Variants in LSG1 observed in about 807,000 individuals in gnomAD.
LSG1 encodes the protein large 60S subunit nuclear export GTPase 1, also known as large subunit GTPase 1 homolog.
Under a neutral mutation model 82.6 loss-of-function variants are expected in LSG1, and 55 were observed. The observed-to-expected ratio is 0.67, with a 90% CI of 0.54 to 0.83. LSG1 has a LOEUF of 0.83. Among genes scored for constraint, LSG1 ranks in the 40% least tolerant of loss-of-function variants. The pLI, the probability that LSG1 is intolerant of heterozygous loss-of-function variation, is 0.00. For synonymous variants in LSG1, 272 were observed against 282.5 expected (o/e 0.96, Z 0.37); for missense variants, 809 against 807.9 (o/e 1.00, Z -0.02).
intron 10 of LSG1, among the ~76,000 whole-genome samples, chr3:194,649,209 C>T (rs1009222031): frequency 1.3e-5 from 2 of 152,090 alleles, no homozygotes; most frequent in Non-Finnish European, 2.9e-5. Context: ...TCCAAATTTT[C>T]CTTAAGCCAC....
chr3:194,659,575 TTTG>T (rs1485101381), intron 6 of LSG1, among the ~76,000 whole-genome samples: 1 of 152,260 alleles, frequency 6.6e-6, no homozygotes, highest in Non-Finnish European at 1.5e-5. Flanking sequence ...TATACAATGT[TTTG>T]TTAACTAACC....
At chr3:194,668,228 C>A (rs1719073262) in intron 2 of LSG1, among the ~76,000 whole-genome samples, 1 of 152,048 alleles carries the variant, frequency 6.6e-6, no homozygotes, top group Admixed American at 6.5e-5. Context: ...ACGAATAATG[C>A]TGCTATGAAT....
chr3:194,647,203 G>A (rs372450679), intron 11 of LSG1, among the ~76,000 whole-genome samples: 184 of 152,266 alleles, frequency 1.2e-3, no homozygotes, highest in African/African-American at 4.4e-3. Flanking sequence ...CTTTTTGGGA[G>A]GGAGAAGACC....
chr3:194,647,281 T>C (rs1174733992), intron 11 of LSG1, among the ~76,000 whole-genome samples: 4 of 152,222 alleles, frequency 2.6e-5, no homozygotes, highest in African/African-American at 7.2e-5. Context: ...AATTGTCAAC[T>C]TCTTTGGGGC....
chr3:194,653,683 T>A (rs1675952), intron 7 of LSG1, among the ~76,000 whole-genome samples: 68,911 of 152,052 alleles, frequency 0.45, 16,336 homozygotes, highest in Non-Finnish European at 0.53. Context: ...ACTTTTTACT[T>A]TATATGTTTC....
chr3:194,655,058 A>G (rs1470063937), intron 7 of LSG1, among the ~76,000 whole-genome samples: 2 of 152,240 alleles, frequency 1.3e-5, no homozygotes, highest in East Asian at 3.8e-4. Context: ...TACAAGTAAG[A>G]CTTCACAACC....
chr3:194,667,923 C>CAAAA (rs1170566137), intron 2 of LSG1, among the ~76,000 whole-genome samples: 6 of 12,810 alleles, frequency 4.7e-4, no homozygotes, highest in African/African-American at 7.9e-4. Context: ...GACTCCGTCT[C>CAAAA]AAAAAAAAAA....
chr3:194,641,760 CGCG>C lies in LSG1; in HGVS notation c.*305_*307del, dbSNP rs1426403820. On this transcript the variant is annotated 3_prime_UTR_variant, in exon 14 of 14. Transcript: ENST00000265245. ...TCCCGAGTAGCTGGGATTACAGGTG[CGCG>C]CCACCACGCCTGGCTAATTTTTTTG... 1.0e-5 allele frequency: 2 copies of C among 194,798 alleles called. No individual in the cohort carries two copies. The highest frequency in any genetic ancestry group is 2.1e-5 in the Non-Finnish European group (2 of 95,846). The allele number at this position is 194,798 out of a possible 1,614,324, so 12.1% of individuals were successfully genotyped here.
intron 2 of LSG1, among the ~76,000 whole-genome samples, chr3:194,668,781 C>T: frequency 6.6e-6 from 1 of 152,122 alleles, no homozygotes; most frequent in Non-Finnish European, 1.5e-5. Context: ...TTCACAAGAG[C>T]CAAGATATGG....
At chr3:194,644,941 C>T (rs1718488653) in intron 12 of LSG1, 195 bp from the exon 13 acceptor site, 1 of 413,394 alleles carries the variant, frequency 2.4e-6, no homozygotes, top group Admixed American at 4.3e-5. Flanking sequence ...AGAGACCTAG[C>T]TCTTCCCATG....
Position 194,652,758 on chromosome 3 carries a change from C to T in LSG1, c.1144G>A (p.Val382Met). The change falls in exon 8 of 14, where the codon GTG (valine) becomes ATG (methionine). Residue 382 changes from valine to methionine, a missense_variant. Val to Met is a conservative substitution (Grantham distance 21). Coordinates refer to ENST00000265245, the MANE Select transcript of LSG1 (RefSeq NM_018385.3). The stretch of plus-strand genomic sequence containing the variant: ...CCGACCGTAAGTTGCCCATCTTTCA[C>T]CTTTCTCCCAGTGTGTAGCTCCTTA... ...LFKELHTGRKVKDGQLTVGLV... is the reference protein window; with the variant it reads ...LFKELHTGRKMKDGQLTVGLV... 6.2e-7 allele frequency: 1 copy of T among 1,613,784 alleles called. No homozygotes were observed. Among genetic ancestry groups the T allele is most frequent in the Non-Finnish European group, 8.5e-7 (1 of 1,179,768 alleles).
rs1718393471 is a variant in LSG1 at position 194,641,796 on chromosome 3, A to C, written c.*272T>G. The stretch of plus-strand genomic sequence containing the variant: ...GCCTGGCTAATTTTTTTGTATTTTT[A>C]GTAGAGACGGGGTTTCTCCATGTTG... On this transcript the variant is annotated 3_prime_UTR_variant, in exon 14 of 14. Coordinates refer to ENST00000265245, the MANE Select transcript of LSG1 (RefSeq NM_018385.3). 1 of 280,012 alleles carries C rather than the reference A, an allele frequency of 3.6e-6. No individual in the cohort carries two copies. Among genetic ancestry groups the C allele is most frequent in the Non-Finnish European group, 6.6e-6 (1 of 151,342 alleles). The allele number at this position is 280,012 out of a possible 1,614,324, so 17.3% of individuals were successfully genotyped here.
intron 13 of LSG1, 101 bp downstream of exon 13, chr3:194,644,472 T>A (rs1201611251): frequency 1.6e-6 from 1 of 635,748 alleles, no homozygotes; most frequent in African/African-American, 1.9e-5. Flanking sequence ...TATTAAACCC[T>A]TTTTGGGGTT....
chr3:194,653,063 T>G lies in LSG1; in HGVS notation c.839A>C (p.His280Pro), dbSNP rs1396373945. The change falls in exon 8 of 14, where the codon CAC (histidine) becomes CCC (proline). Residue 280 changes from histidine to proline, a missense_variant. Coordinates refer to ENST00000265245, the MANE Select transcript of LSG1 (RefSeq NM_018385.3). ...HSSFDQAEIS[H>P]SESEHLPARD... ...AGCTGGGAGATGTTCGGATTCACTG[T>G]GGGAAATTTCAGCCTGGTCGAAACT... 6.2e-7 allele frequency: 1 copy of G among 1,614,214 alleles called. No homozygotes were observed. The highest frequency in any genetic ancestry group is 1.7e-5 in the Admixed American group (1 of 60,020).
chr3:194,648,836 G>A lies in LSG1; in HGVS notation c.1420-32C>T, dbSNP rs377282586. 5.5e-5 allele frequency: 89 copies of A among 1,612,046 alleles called. No homozygotes were observed. The South Asian group carries it at 6.7e-4, about 12-fold the overall frequency. Reference sequence around the variant, plus strand: ...TGTCAGGGAATCCATTCTCTTGAACGGACTCCCTCCTCCCCATGGCATACA... The same window carrying A: ...TGTCAGGGAATCCATTCTCTTGAACAGACTCCCTCCTCCCCATGGCATACA... On this transcript the variant is annotated intron_variant, in intron 10 of 13. Transcript: ENST00000265245.
chr3:194,653,757 C>G (rs112735726), intron 7 of LSG1, among the ~76,000 whole-genome samples: 1 of 151,962 alleles, frequency 6.6e-6, no homozygotes, highest in Non-Finnish European at 1.5e-5. Flanking sequence ...AACTCTAGGC[C>G]GGGTGCTACG....
chr3:194,649,342 C>T (rs1043315999), intron 10 of LSG1, among the ~76,000 whole-genome samples: 2 of 152,106 alleles, frequency 1.3e-5, no homozygotes, highest in Non-Finnish European at 2.9e-5. Flanking sequence ...AGCACCTAAC[C>T]TAAGGCTACC....
rs981999491 is a variant in LSG1, at chr3:194,641,518, A to G, written c.*550T>C. 2.0e-5 allele frequency: 3 copies of G among 152,358 alleles called. No individual in the cohort carries two copies. Among genetic ancestry groups the G allele is most frequent in the African/African-American group, 4.8e-5 (2 of 41,460 alleles). The allele number at this position is 152,358 out of a possible 1,614,324, so 9.4% of individuals were successfully genotyped here. A position where few individuals can be genotyped will look rare whatever the true frequency, so the allele number is the denominator to read the frequency against. ...CCCCGCTGTACACTAACTGAACCCA[A>G]GTCCCTTGTTTAGAGTCGGAGGAAC... On this transcript the variant is annotated 3_prime_UTR_variant, in exon 14 of 14. Coordinates refer to ENST00000265245, the MANE Select transcript of LSG1 (RefSeq NM_018385.3).
intron 12 of LSG1, among the ~76,000 whole-genome samples, chr3:194,645,896 T>C (rs1007981927): frequency 2.6e-5 from 4 of 152,118 alleles, no homozygotes; most frequent in African/African-American, 7.2e-5. Context: ...GTGACAATAG[T>C]TGCAATCATA....
Sources: gnomAD v4.1 joint callset for allele counts (sites outside exome capture counted in the v4.1 genomes callset) on GRCh38, gnomAD v4.1.1 for gene constraint, MANE v1.5 for transcripts, NCBI Gene and HGNC (gene_info 2026-07-23, HGNC 2026-07-21) for gene names.